Variants in ADAMTSL3 observed in about 807,000 individuals in gnomAD.
ADAMTSL3 encodes the protein ADAMTS like 3, also known as ADAMTS-like protein 3.
Under a neutral mutation model 201.7 loss-of-function variants are expected in ADAMTSL3, and 128 were observed. The observed-to-expected ratio is 0.63, with a 90% CI of 0.55 to 0.73. The LOEUF (loss-of-function observed/expected upper bound fraction) is 0.73, where lower values mean the gene tolerates loss of function less well. Among genes scored for constraint, ADAMTSL3 ranks in the 30% least tolerant of loss-of-function variants. The pLI is 0.00. For missense variants in ADAMTSL3, 1,990 were observed against 2,119.6 expected, an observed-to-expected ratio of 0.94 and a Z score of 1.20; for synonymous variants, 738 against 748.4, an observed-to-expected ratio of 0.99 and a Z score of 0.23.
intron 10 of ADAMTSL3, among the ~76,000 whole-genome samples, chr15:83,887,865 G>A (rs568903242): frequency 6.1e-4 from 93 of 152,144 alleles, no homozygotes; most frequent in South Asian, 5.2e-3. Context: ...AGCTGGGAGT[G>A]CAGGCGTGTG....
intron 5 of ADAMTSL3, among the ~76,000 whole-genome samples, chr15:83,814,434 T>C (rs2063741877): frequency 6.6e-6 from 1 of 152,202 alleles, no homozygotes; most frequent in African/African-American, 2.4e-5. Flanking sequence ...AACTCCCAAC[T>C]TCCACCCTTT....
Position 83,870,912 on chromosome 15 carries a change from C to G in ADAMTSL3, c.913C>G (p.Gln305Glu). 6.2e-7 allele frequency: 1 copy of G among 1,613,414 alleles called. No homozygotes were observed. Among genetic ancestry groups the G allele is most frequent in the Non-Finnish European group, 8.5e-7 (1 of 1,179,746 alleles). The change falls in exon 9 of 30, where the codon CAA (glutamine) becomes GAA (glutamate). Residue 305 changes from glutamine (Q) to glutamate (E), a missense_variant. Physicochemically the swap from Gln to Glu is conservative, Grantham distance 29. Transcript: ENST00000286744. ...TVEFQRGSER[Q>E]TFKIPGPLMA... ...GGAATTTCAGAGGGGCTCCGAGAGGCAAACTTTTAAGATTCCAGGACCTCT... is the reference window on the plus strand; with the variant it reads ...GGAATTTCAGAGGGGCTCCGAGAGGGAAACTTTTAAGATTCCAGGACCTCT...
At chr15:83,768,438 A>C (rs902570789) in intron 3 of ADAMTSL3, among the ~76,000 whole-genome samples, 5 of 152,128 alleles carry the variant, frequency 3.3e-5, no homozygotes, top group African/African-American at 7.2e-5. Flanking sequence ...ATCTGAAGAA[A>C]CCTGGATCAT....
At position 83,903,844 on chromosome 15, in the gene ADAMTSL3, G is replaced by GT. The variant is rs1225871662; in HGVS notation, c.1700+4113_1700+4114insT. Among the ~76,000 whole-genome samples the GT allele has an allele frequency of 3.4e-5, 5 of 149,150 alleles. 1 individual carries two copies. The highest frequency in any genetic ancestry group is 5.9e-5 in the Non-Finnish European group (4 of 67,628). On this transcript the variant is annotated intron_variant, in intron 15 of 29. Transcript: ENST00000286744. ...AAGGCAGGAAAATTGCTTCATCTCG[G>GT]GAGGCAGAGGTTGCAGTGAGCTGAG...
At chr15:83,907,572 T>G (rs1005940225) in intron 15 of ADAMTSL3, among the ~76,000 whole-genome samples, 4 of 152,230 alleles carry the variant, frequency 2.6e-5, no homozygotes, top group Non-Finnish European at 2.9e-5. Context: ...GCTAATTTTT[T>G]TTTGTATTTT....
intron 2 of ADAMTSL3, among the ~76,000 whole-genome samples, chr15:83,669,926 C>G (rs1181068855): frequency 6.6e-6 from 1 of 151,718 alleles, no homozygotes; most frequent in Non-Finnish European, 1.5e-5. Context: ...TCAGGTCTCC[C>G]TGATCTGCCA....
At position 83,897,840 on chromosome 15, in the gene ADAMTSL3, C is replaced by T; in HGVS notation, c.1468-18C>T. On this transcript the variant is annotated intron_variant, in intron 13 of 29. Transcript: ENST00000286744. ...TCTCTTAAAAGAAATGCGTTGGCTT[C>T]TCTTTTCTTCTTTGAAGTGCACAGT... The T allele has an allele frequency of 6.4e-7, 1 of 1,566,196 alleles. No individual in the cohort carries two copies. Among genetic ancestry groups the T allele is most frequent in the Non-Finnish European group, 8.7e-7 (1 of 1,153,530 alleles).
At chr15:83,751,616 G>A (rs190305270) in intron 3 of ADAMTSL3, among the ~76,000 whole-genome samples, 1 of 152,258 alleles carries the variant, frequency 6.6e-6, no homozygotes, top group East Asian at 1.9e-4. Context: ...GAAATTCGAT[G>A]TATATGGTAT....
chr15:83,687,489 C>G (rs954111127), intron 2 of ADAMTSL3, among the ~76,000 whole-genome samples: 1 of 152,094 alleles, frequency 6.6e-6, no homozygotes, highest in Non-Finnish European at 1.5e-5. Context: ...CTTAGGACTT[C>G]CTGGGAAAAG....
intron 2 of ADAMTSL3, among the ~76,000 whole-genome samples, chr15:83,695,916 G>GTT (rs147344455): frequency 0.055 from 8,267 of 151,412 alleles, 296 homozygotes; most frequent in Non-Finnish European, 0.08. Flanking sequence ...GTACATCATG[G>GTT]TTTTTTTTTG....
At chr15:83,676,278 A>G (rs993796560) in intron 2 of ADAMTSL3, among the ~76,000 whole-genome samples, 4 of 151,918 alleles carry the variant, frequency 2.6e-5, no homozygotes, top group Admixed American at 6.6e-5. Context: ...ACAAAATTTG[A>G]TATGTTTTAC....
chr15:83,817,088 A>T (rs2063782393), intron 5 of ADAMTSL3, among the ~76,000 whole-genome samples: 1 of 152,224 alleles, frequency 6.6e-6, no homozygotes. Context: ...AAAAATGTGG[A>T]TGCAATATAG....
intron 10 of ADAMTSL3, among the ~76,000 whole-genome samples, chr15:83,888,795 TA>T (rs1379966994): frequency 1.3e-5 from 2 of 152,206 alleles, no homozygotes; most frequent in East Asian, 3.9e-4. Context: ...CCTTGCTTTT[TA>T]TAATGCATAC....
At chr15:83,976,190 C>T (rs1040555429) in intron 20 of ADAMTSL3, among the ~76,000 whole-genome samples, 5 of 152,078 alleles carry the variant, frequency 3.3e-5, no homozygotes, top group Admixed American at 6.5e-5. Flanking sequence ...TTGTTGTGGT[C>T]GCCTATTTCC....
At chr15:83,805,525 C>T (rs1267967278) in intron 5 of ADAMTSL3, among the ~76,000 whole-genome samples, 1 of 151,464 alleles carries the variant, frequency 6.6e-6, no homozygotes, top group Non-Finnish European at 1.5e-5. Context: ...CCACTGCACT[C>T]CAGCCTGGGC....
At chr15:83,813,610 C>G (rs6602993) in intron 5 of ADAMTSL3, among the ~76,000 whole-genome samples, 113,294 of 152,040 alleles carry the variant, frequency 0.75, 42,742 homozygotes, top group East Asian at 1. Flanking sequence ...CTCTCCCTGA[C>G]AATTCAGACT....
chr15:83,878,606 G>A (rs2065218953), intron 9 of ADAMTSL3, among the ~76,000 whole-genome samples: 1 of 101,260 alleles, frequency 9.9e-6, no homozygotes, highest in Non-Finnish European at 1.9e-5. Context: ...AGAGTGAGAC[G>A]CCATTTCAAA....
intron 13 of ADAMTSL3, among the ~76,000 whole-genome samples, chr15:83,895,980 A>G (rs1438053250): frequency 6.6e-6 from 1 of 152,170 alleles, no homozygotes; most frequent in Admixed American, 6.5e-5. Flanking sequence ...CATATCTTTG[A>G]AACTTGTCCC....
chr15:83,958,692 C>G (rs1057179994), intron 19 of ADAMTSL3, among the ~76,000 whole-genome samples: 3 of 152,096 alleles, frequency 2.0e-5, no homozygotes, highest in Non-Finnish European at 2.9e-5. Context: ...TGAAAATATA[C>G]TCAGTGTTAC....
Sources: gnomAD v4.1 joint callset for allele counts (sites outside exome capture counted in the v4.1 genomes callset) on GRCh38, gnomAD v4.1.1 for gene constraint, MANE v1.5 for transcripts, NCBI Gene and HGNC (gene_info 2026-07-23, HGNC 2026-07-21) for gene names.